The following SNAPC1 variants were observed in gnomAD, a reference collection of about 807,000 sequenced individuals.
SNAPC1 encodes small nuclear RNA activating complex polypeptide 1.
A neutral mutation model predicts 50.1 loss-of-function variants in SNAPC1; 42 were observed. The ratio of observed to expected loss-of-function variants is 0.84; its 90% CI spans 0.65 to 1.08. The LOEUF (loss-of-function observed/expected upper bound fraction) is 1.08, where lower values mean the gene tolerates loss of function less well. Among genes scored for constraint, SNAPC1 ranks in the 50% least tolerant of loss-of-function variants. SNAPC1 has a pLI of 0.00. For synonymous variants in SNAPC1, 164 were observed against 144.2 expected, an observed-to-expected ratio of 1.14 and a Z score of -0.98; for missense variants, 477 against 427.3, an observed-to-expected ratio of 1.12 and a Z score of -1.02.
At chr14:61,776,721 T>G (rs946593600) in intron 5 of SNAPC1, among the ~76,000 whole-genome samples, 1 of 152,240 alleles carries the variant, frequency 6.6e-6, no homozygotes, top group African/African-American at 2.4e-5. Context: ...TAACACTGAT[T>G]CCACTTTGCT....
chr14:61,787,198 T>C (rs1168843385), intron 8 of SNAPC1, among the ~76,000 whole-genome samples: 3 of 152,244 alleles, frequency 2.0e-5, no homozygotes, highest in Admixed American at 2.0e-4. Context: ...ATCTATATTT[T>C]CGTTGCAGTG....
At position 61,762,981 on chromosome 14, in the gene SNAPC1, C is replaced by CTTTTTTTTTTTTTTTT. The variant is rs145378546; in HGVS notation, c.128+405_128+420dup. 9.2e-4 allele frequency among the ~76,000 whole-genome samples: 67 copies of CTTTTTTTTTTTTTTTT among 73,038 alleles called. 11 individuals are homozygous for CTTTTTTTTTTTTTTTT. Among genetic ancestry groups the CTTTTTTTTTTTTTTTT allele is most frequent in the East Asian group, 2.1e-3 (4 of 1,936 alleles). The allele number at this position is 73,038 out of a possible 152,430, so 47.9% of individuals were successfully genotyped here. ...TTTTTCCTCCAACAACCAAAGTTGTCTTTTTTTTTTTTTTTTTTTTTTTTT... is the reference window on the plus strand; with the variant it reads ...TTTTTCCTCCAACAACCAAAGTTGTCTTTTTTTTTTTTTTTTTTTTTTTTTTTTTTTTTTTTTTTTT... On this transcript the variant is annotated intron_variant, in intron 1 of 9. Transcript: ENST00000216294.
intron 9 of SNAPC1, among the ~76,000 whole-genome samples, chr14:61,794,487 C>G (rs191155899): frequency 4.3e-4 from 65 of 152,226 alleles, no homozygotes; most frequent in Admixed American, 2.8e-3. Context: ...CTCACTGCAA[C>G]CTCCACCTCC....
chr14:61,774,704 C>T (rs72716705), intron 4 of SNAPC1, among the ~76,000 whole-genome samples: 25,848 of 127,506 alleles, frequency 0.2, 2,598 homozygotes, highest in African/African-American at 0.28. Context: ...ACTCTTGTTG[C>T]GCAGGCTGGA....
chr14:61,772,582 G>A (rs146462659), intron 4 of SNAPC1, among the ~76,000 whole-genome samples: 107 of 152,274 alleles, frequency 7.0e-4, no homozygotes, highest in Middle Eastern at 3.4e-3. Context: ...TAGAGACAAG[G>A]TCTTGCTATG....
At chr14:61,778,967 C>A in intron 7 of SNAPC1, 57 bp downstream of exon 7, 1 of 973,224 alleles carries the variant, frequency 1.0e-6, no homozygotes, top group Non-Finnish European at 1.6e-6. Context: ...AATTATATTT[C>A]AATTTTTCAT....
At chr14:61,790,863 T>A (rs1197716090) in intron 8 of SNAPC1, among the ~76,000 whole-genome samples, 1 of 152,212 alleles carries the variant, frequency 6.6e-6, no homozygotes, top group Non-Finnish European at 1.5e-5. Context: ...TGACTAGTAA[T>A]CATTTGTTTG....
Position 61,777,990 on chromosome 14 carries a change from C to G in SNAPC1, c.694-82C>G, listed in dbSNP as rs1390681177. 8.1e-6 allele frequency: 5 copies of G among 618,096 alleles called. No homozygotes were observed. The African/African-American group carries it at 9.6e-5, about 12-fold the overall frequency. 38.3% of individuals were successfully genotyped at this position (618,096 alleles called of 1,614,324 possible). A position where few individuals can be genotyped will look rare whatever the true frequency, so the allele number is the denominator to read the frequency against. On this transcript the variant is annotated intron_variant, in intron 5 of 9. Coordinates refer to ENST00000216294, the MANE Select transcript of SNAPC1 (RefSeq NM_003082.4). ...TTCATTTATTAAAAATGATTTCTCACCATTCTAAAATTGATTTGCAGTTAA... is the reference window on the plus strand; with the variant it reads ...TTCATTTATTAAAAATGATTTCTCAGCATTCTAAAATTGATTTGCAGTTAA...
chr14:61,775,896 A>C (rs928925500), intron 4 of SNAPC1, among the ~76,000 whole-genome samples, 199 bp from the exon 5 acceptor site: 1 of 152,208 alleles, frequency 6.6e-6, no homozygotes, highest in Non-Finnish European at 1.5e-5. Flanking sequence ...CAGTAAATCC[A>C]TACCTCTGGA....
chr14:61,792,898 A>G lies in SNAPC1; in HGVS notation c.1068A>G (p.Gly356=), dbSNP rs144594343. 1.9e-6 allele frequency: 3 copies of G among 1,579,362 alleles called. No homozygotes were observed. The highest frequency in any genetic ancestry group is 2.6e-6 in the Non-Finnish European group (3 of 1,156,604). The change falls in exon 9 of 10, where the codon GGA becomes GGG. Residue 356 remains glycine, a synonymous_variant. Transcript: ENST00000216294. The part of the protein sequence containing the change: ...TEEEENESLS[G]TEFTASKKRR... ...AAGAAGAGAATGAAAGTTTGAGTGG[A>G]ACAGGTACAGATAAAATTTGGTCAA...
At chr14:61,782,460 C>T in intron 8 of SNAPC1, 63 bp downstream of exon 8, 1 of 1,318,428 alleles carries the variant, frequency 7.6e-7, no homozygotes, top group Non-Finnish European at 1.0e-6. Flanking sequence ...ACAACTTTGC[C>T]TCATGTTTAT....
chr14:61,774,648 A>ATTTTTTTTTTTTTTTT (rs35300490), intron 4 of SNAPC1, among the ~76,000 whole-genome samples: 1 of 90,968 alleles, frequency 1.1e-5, no homozygotes, highest in Non-Finnish European at 2.3e-5. Context: ...TCAGTTTCTC[A>ATTTTTTTTTTTTTTTT]TTTTTTTTTT....
intron 8 of SNAPC1, among the ~76,000 whole-genome samples, chr14:61,792,018 G>C (rs2045155320): frequency 6.6e-6 from 1 of 151,520 alleles, no homozygotes; most frequent in Non-Finnish European, 1.5e-5. Context: ...CAGGAGAATT[G>C]CTTGAACCCA....
intron 7 of SNAPC1, among the ~76,000 whole-genome samples, chr14:61,781,589 T>A (rs2045073419): frequency 6.6e-6 from 1 of 151,786 alleles, no homozygotes; most frequent in Admixed American, 6.6e-5. Flanking sequence ...TTAGCCAGGA[T>A]TGGCTAAAGA....
chr14:61,764,879 C>T (rs1447645996), intron 1 of SNAPC1, among the ~76,000 whole-genome samples: 1 of 152,120 alleles, frequency 6.6e-6, no homozygotes, highest in Non-Finnish European at 1.5e-5. Flanking sequence ...CCTCCTACTA[C>T]CCCCTTCCCT....
At chr14:61,784,897 AC>A (rs1279870664) in intron 8 of SNAPC1, among the ~76,000 whole-genome samples, 1 of 152,134 alleles carries the variant, frequency 6.6e-6, no homozygotes, top group Non-Finnish European at 1.5e-5. Context: ...AGAAAGAGAG[AC>A]TAGAAAATTA....
intron 1 of SNAPC1, among the ~76,000 whole-genome samples, chr14:61,764,132 C>G (rs1347204942): frequency 2.0e-5 from 3 of 152,114 alleles, no homozygotes; most frequent in African/African-American, 7.2e-5. Flanking sequence ...CGGGATTTCA[C>G]CATGTTGGCC....
chr14:61,794,925 G>A (rs1423947934), intron 9 of SNAPC1, 24 bp from the exon 10 acceptor site: 2 of 1,529,598 alleles, frequency 1.3e-6, no homozygotes, highest in East Asian at 2.3e-5. Flanking sequence ...AGATCTGACT[G>A]ACTTTTAAAC....
chr14:61,762,607 C>T lies in SNAPC1; in HGVS notation c.128+19C>T. ...TCTTCTGGTGGGTGTTTCTTGTCCA[C>T]CACCCGCCTCTCCCTGCCCGCAGGT... On this transcript the variant is annotated intron_variant, in intron 1 of 9. Transcript: ENST00000216294. 1 of 1,586,084 alleles carries T rather than the reference C, an allele frequency of 6.3e-7. No individual in the cohort carries two copies. Among genetic ancestry groups the T allele is most frequent in the Non-Finnish European group, 8.6e-7 (1 of 1,166,388 alleles).
Sources: allele counts gnomAD v4.1 joint callset (sites outside exome capture counted in the v4.1 genomes callset), GRCh38; gene constraint gnomAD v4.1.1; transcripts MANE v1.5; gene names NCBI Gene and HGNC (gene_info 2026-07-23, HGNC 2026-07-21).